Variants in ZRANB3 observed in about 807,000 individuals in gnomAD.
ZRANB3 encodes the protein DNA annealing helicase and endonuclease ZRANB3.
A neutral mutation model predicts 133.8 loss-of-function variants in ZRANB3; 125 were observed. The ratio of observed to expected loss-of-function variants is 0.93; its 90% CI spans 0.81 to 1.08. ZRANB3 has a LOEUF of 1.08. Ranked by LOEUF, ZRANB3 falls within the 50% of genes least tolerant of loss-of-function variation. ZRANB3 has a pLI of 0.00. For synonymous variants in ZRANB3, 387 were observed against 432.7 expected (o/e 0.89, Z 1.31); for missense variants, 1,229 against 1,275.5 (o/e 0.96, Z 0.56).
At chr2:135,488,051 C>T (rs182852207) in intron 2 of ZRANB3, among the ~76,000 whole-genome samples, 6 of 152,248 alleles carry the variant, frequency 3.9e-5, no homozygotes, top group Non-Finnish European at 5.9e-5. Flanking sequence ...TACTTGAACA[C>T]TTACAGCCCA....
chr2:135,247,939 C>T (rs113798074), intron 12 of ZRANB3, among the ~76,000 whole-genome samples: 188 of 152,214 alleles, frequency 1.2e-3, no homozygotes, highest in Non-Finnish European at 2.1e-3. Context: ...AGTGAGTCCC[C>T]GATCCCATTC....
At chr2:135,469,378 T>C (rs1691151848) in intron 2 of ZRANB3, among the ~76,000 whole-genome samples, 1 of 152,154 alleles carries the variant, frequency 6.6e-6, no homozygotes, top group Non-Finnish European at 1.5e-5. Flanking sequence ...CATTAATTAT[T>C]TGATCACAGC....
chr2:135,310,453 CA>C (rs1245683283), intron 8 of ZRANB3, among the ~76,000 whole-genome samples: 1 of 151,484 alleles, frequency 6.6e-6, no homozygotes, highest in Non-Finnish European at 1.5e-5. Flanking sequence ...AATGACAAAC[CA>C]AAACAAAAAT....
chr2:135,494,408 G>C (rs1692573456), intron 2 of ZRANB3, among the ~76,000 whole-genome samples: 2 of 151,770 alleles, frequency 1.3e-5, no homozygotes, highest in South Asian at 4.2e-4. Flanking sequence ...GGAGCAGAAG[G>C]GGGGCTCTTC....
intron 3 of ZRANB3, among the ~76,000 whole-genome samples, chr2:135,380,876 C>G (rs1686656853): frequency 6.6e-6 from 1 of 152,074 alleles, no homozygotes; most frequent in African/African-American, 2.4e-5. Context: ...AAGGGCGGTT[C>G]CAAGATGGCC....
intron 2 of ZRANB3, among the ~76,000 whole-genome samples, chr2:135,402,944 C>A (rs748727739): frequency 2.6e-5 from 4 of 152,052 alleles, no homozygotes; most frequent in Non-Finnish European, 5.9e-5. Flanking sequence ...GGCCATTCTT[C>A]CACTGCTATA....
intron 2 of ZRANB3, among the ~76,000 whole-genome samples, chr2:135,414,343 AAG>A (rs1203739155): frequency 1.3e-5 from 2 of 152,190 alleles, no homozygotes; most frequent in Non-Finnish European, 2.9e-5. Flanking sequence ...AACAAAGATC[AAG>A]AGAGACAAAG....
chr2:135,399,489 G>A (rs1475099423), intron 2 of ZRANB3, among the ~76,000 whole-genome samples: 1 of 152,170 alleles, frequency 6.6e-6, no homozygotes, highest in Admixed American at 6.5e-5. Flanking sequence ...TGGAAGGAAT[G>A]AGGGTGAACA....
chr2:135,319,818 A>G (rs1683434445), intron 6 of ZRANB3, among the ~76,000 whole-genome samples: 1 of 152,204 alleles, frequency 6.6e-6, no homozygotes, highest in Non-Finnish European at 1.5e-5. Context: ...TACCGCTAAT[A>G]TAATTTCTTC....
intron 2 of ZRANB3, among the ~76,000 whole-genome samples, chr2:135,439,493 G>T (rs1689687729): frequency 1.3e-5 from 2 of 151,994 alleles, no homozygotes; most frequent in Non-Finnish European, 2.9e-5. Context: ...AAGAGATTTG[G>T]CTTTCCACTA....
chr2:135,326,733 C>G (rs1291818997), intron 6 of ZRANB3, among the ~76,000 whole-genome samples: 2 of 151,748 alleles, frequency 1.3e-5, no homozygotes, highest in African/African-American at 2.4e-5. Context: ...AACCCCATCT[C>G]TAATAAAATA....
At chr2:135,397,591 TAA>T (rs1433900235) in intron 2 of ZRANB3, among the ~76,000 whole-genome samples, 1 of 152,240 alleles carries the variant, frequency 6.6e-6, no homozygotes, top group African/African-American at 2.4e-5. Context: ...CTCTTCTTCT[TAA>T]AACTTTTTAA....
intron 8 of ZRANB3, among the ~76,000 whole-genome samples, chr2:135,287,645 G>A (rs1681447911): frequency 2.2e-5 from 3 of 137,198 alleles, no homozygotes; most frequent in Admixed American, 1.5e-4. Flanking sequence ...GGTCTTTCAG[G>A]TCCTTGGTTA....
chr2:135,287,080 T>G (rs900320526), intron 8 of ZRANB3, among the ~76,000 whole-genome samples: 1 of 152,210 alleles, frequency 6.6e-6, no homozygotes, highest in Non-Finnish European at 1.5e-5. Flanking sequence ...TGATCCATCT[T>G]GAGTTGATTT....
intron 2 of ZRANB3, among the ~76,000 whole-genome samples, chr2:135,441,069 T>A (rs1198355831): frequency 6.6e-6 from 1 of 150,768 alleles, no homozygotes; most frequent in Non-Finnish European, 1.5e-5. Flanking sequence ...TACGGAAAAA[T>A]CAGGGTCCGA....
intron 2 of ZRANB3, among the ~76,000 whole-genome samples, chr2:135,492,050 C>T (rs1322344113): frequency 6.6e-6 from 1 of 152,046 alleles, no homozygotes; most frequent in East Asian, 1.9e-4. Context: ...CAAACCAAAC[C>T]TTTAAATTAC....
At chr2:135,243,798 C>T (rs1031982398) in intron 12 of ZRANB3, among the ~76,000 whole-genome samples, 8 of 151,888 alleles carry the variant, frequency 5.3e-5, no homozygotes, top group Non-Finnish European at 8.8e-5. Context: ...TTTGTTGTTA[C>T]TGTTTAGACA....
intron 2 of ZRANB3, among the ~76,000 whole-genome samples, chr2:135,486,429 C>T (rs1334956681): frequency 1.3e-5 from 2 of 152,120 alleles, no homozygotes; most frequent in African/African-American, 4.8e-5. Flanking sequence ...TGCAAGATTG[C>T]AACAATTCAG....
chr2:135,207,142 G>A (rs1232427006), intron 19 of ZRANB3, among the ~76,000 whole-genome samples: 1 of 151,676 alleles, frequency 6.6e-6, no homozygotes, highest in African/African-American at 2.4e-5. Flanking sequence ...TCCAGCCTGG[G>A]TGACAAGGGC....
Sources: allele counts gnomAD v4.1 joint callset (sites outside exome capture counted in the v4.1 genomes callset), GRCh38; gene constraint gnomAD v4.1.1; transcripts MANE v1.5; gene names NCBI Gene and HGNC (gene_info 2026-07-23, HGNC 2026-07-21).